Variants in SLC17A6 observed in about 807,000 individuals in gnomAD.
The protein encoded by SLC17A6 is solute carrier family 17 member 6, also known as vesicular glutamate transporter 2.
Under a neutral mutation model 67.1 loss-of-function variants are expected in SLC17A6, and 35 were observed. The ratio of observed to expected loss-of-function variants is 0.52; its 90% CI spans 0.40 to 0.69. The LOEUF (loss-of-function observed/expected upper bound fraction) is 0.69. Ranked by LOEUF, SLC17A6 falls within the 30% of genes least tolerant of loss-of-function variation. The pLI is 0.00. For missense variants in SLC17A6, 588 were observed against 723.9 expected (o/e 0.81, Z 2.15); for synonymous variants, 285 against 252.3 (o/e 1.13, Z -1.23).
intron 10 of SLC17A6, among the ~76,000 whole-genome samples, 162 bp from the exon 11 acceptor site, chr11:22,376,383 T>C (rs1258635428): frequency 6.6e-6 from 1 of 152,180 alleles, no homozygotes; most frequent in Non-Finnish European, 1.5e-5. Context: ...AATTCATACC[T>C]CATTCTATTC....
chr11:22,349,302 T>C (rs1855911208), intron 3 of SLC17A6, among the ~76,000 whole-genome samples: 1 of 152,204 alleles, frequency 6.6e-6, no homozygotes, highest in Non-Finnish European at 1.5e-5. Context: ...CAGAGGTGAC[T>C]TTTTCTATCT....
chr11:22,341,769 G>A lies in SLC17A6; in HGVS notation c.328G>A (p.Val110Ile). 2 of 1,614,020 alleles carry A rather than the reference G, an allele frequency of 1.2e-6. No homozygotes were observed. Among genetic ancestry groups the A allele is most frequent in the Non-Finnish European group, 1.7e-6 (2 of 1,179,924 alleles). The change falls in exon 2 of 12, where the codon GTC (valine) becomes ATC (isoleucine). Residue 110 changes from valine to isoleucine, a missense_variant. Transcript: ENST00000263160. ...CAGCACCATCCACCGCGGGGGCAAG[G>A]TCATCAAGGAGGTGGGCAACGTCTG... ...NNSTIHRGGK[V>I]IKEKAKFNWD...
chr11:22,355,988 CTCT>C (rs1446087065), intron 3 of SLC17A6, among the ~76,000 whole-genome samples: 1 of 152,156 alleles, frequency 6.6e-6, no homozygotes, highest in East Asian at 1.9e-4. Flanking sequence ...GAGGTCCATC[CTCT>C]TCTTTTTCTA....
intron 1 of SLC17A6, among the ~76,000 whole-genome samples, chr11:22,339,949 A>G (rs1316882736): frequency 3.3e-5 from 5 of 152,108 alleles, no homozygotes; most frequent in African/African-American, 4.8e-5. Flanking sequence ...TTCTCCCAGT[A>G]AAAATAAATT....
intron 6 of SLC17A6, among the ~76,000 whole-genome samples, chr11:22,364,698 G>T (rs552447271): frequency 6.6e-6 from 1 of 152,130 alleles, no homozygotes; most frequent in African/African-American, 2.4e-5. Context: ...GTTACCCAAG[G>T]GACAAACAGA....
chr11:22,355,195 G>A (rs909370580), intron 3 of SLC17A6, among the ~76,000 whole-genome samples: 2 of 152,184 alleles, frequency 1.3e-5, no homozygotes, highest in African/African-American at 4.8e-5. Flanking sequence ...AGTAATAAGT[G>A]TCAGATGAAC....
At chr11:22,345,286 T>C (rs569510491) in intron 3 of SLC17A6, among the ~76,000 whole-genome samples, 4 of 151,954 alleles carry the variant, frequency 2.6e-5, no homozygotes, top group African/African-American at 9.6e-5. Context: ...ACTCAGGTTC[T>C]AATTTATCTG....
intron 3 of SLC17A6, among the ~76,000 whole-genome samples, chr11:22,345,724 C>A (rs1337213723): frequency 6.6e-6 from 1 of 152,040 alleles, no homozygotes; most frequent in African/African-American, 2.4e-5. Flanking sequence ...GAAAATATAA[C>A]AAAACATTGC....
intron 2 of SLC17A6, among the ~76,000 whole-genome samples, 187 bp downstream of exon 2, chr11:22,341,967 G>C (rs1855821184): frequency 6.6e-6 from 1 of 152,220 alleles, no homozygotes. Context: ...TCGCTCTGCT[G>C]TCTGGGCCTC....
Position 22,359,444 on chromosome 11 carries a change from A to C in SLC17A6, c.490A>C (p.Thr164Pro). 6.3e-7 allele frequency: 1 copy of C among 1,599,862 alleles called. No individual in the cohort carries two copies. The highest frequency in any genetic ancestry group is 8.5e-7 in the Non-Finnish European group (1 of 1,172,736). ...CGGAGCTGCCATACTTCTTACCTCT[A>C]CCCTAAATATGCTAATTCCATCAGC... ...VFGAAILLTS[T>P]LNMLIPSAAR... The change falls in exon 4 of 12, where the codon ACC (threonine) becomes CCC (proline). Residue 164 changes from threonine (T) to proline (P), a missense_variant. Physicochemically the swap from Thr to Pro is conservative, Grantham distance 38 (BLOSUM62 -1). Around this residue, in one of 4 missense-constraint regions of SLC17A6, gnomAD observed 414 missense variants for 563.4 expected, o/e 0.73. Transcript: ENST00000263160.
chr11:22,338,683 C>G, intron 1 of SLC17A6, 64 bp downstream of exon 1: 1 of 1,184,474 alleles, frequency 8.4e-7, no homozygotes, highest in South Asian at 1.2e-5. Context: ...GGGCCGTTTC[C>G]GTAAACCCTG....
At chr11:22,343,170 C>T (rs1855838574) in intron 2 of SLC17A6, 77 bp from the exon 3 acceptor site, 1 of 1,237,322 alleles carries the variant, frequency 8.1e-7, no homozygotes, top group African/African-American at 1.5e-5. Context: ...GGCTTTTTGG[C>T]TTGTGAACCA....
At chr11:22,340,593 G>C (rs941866936) in intron 1 of SLC17A6, among the ~76,000 whole-genome samples, 4 of 152,162 alleles carry the variant, frequency 2.6e-5, no homozygotes, top group African/African-American at 9.7e-5. Flanking sequence ...GTATATCTGG[G>C]AGTCGCATTT....
At chr11:22,360,005 T>C (rs1211402531) in intron 4 of SLC17A6, among the ~76,000 whole-genome samples, 2 of 152,134 alleles carry the variant, frequency 1.3e-5, no homozygotes, top group African/African-American at 4.8e-5. Context: ...GCCTGCAGAC[T>C]TTGAAAGAAT....
intron 7 of SLC17A6, among the ~76,000 whole-genome samples, chr11:22,366,513 TA>T (rs1856114541): frequency 6.6e-6 from 1 of 152,218 alleles, no homozygotes; most frequent in Non-Finnish European, 1.5e-5. Flanking sequence ...TCAGGATTAT[TA>T]CTATGAATAT....
intron 9 of SLC17A6, among the ~76,000 whole-genome samples, chr11:22,375,572 C>A (rs1856224201): frequency 1.3e-5 from 2 of 151,638 alleles, no homozygotes; most frequent in South Asian, 4.2e-4. Context: ...CCCCCGCCTC[C>A]CGGGTTCAAG....
intron 5 of SLC17A6, chr11:22,361,354 T>TA: frequency 6.4e-6 from 1 of 156,878 alleles, no homozygotes; most frequent in Non-Finnish European, 1.4e-5. Context: ...TTTACAGAGA[T>TA]AAAAACATAA....
At chr11:22,342,054 G>A (rs1435614623) in intron 2 of SLC17A6, among the ~76,000 whole-genome samples, 1 of 152,230 alleles carries the variant, frequency 6.6e-6, no homozygotes, top group African/African-American at 2.4e-5. Flanking sequence ...ACAAGACGTT[G>A]GTGACTAGCA....
At position 22,343,260 on chromosome 11, in the gene SLC17A6, A is replaced by T. The variant is rs201861338; in HGVS notation, c.353A>T (p.Asn118Ile). The T allele has an allele frequency of 1.9e-6, 3 of 1,613,700 alleles. No individual in the cohort carries two copies. The highest frequency in any genetic ancestry group is 1.7e-5 in the Admixed American group (1 of 59,946). ...ACCCCTCCATAGAAAGCCAAATTCAACTGGGACCCGGAAACCGTGGGGATG... is the reference window on the plus strand; with the variant it reads ...ACCCCTCCATAGAAAGCCAAATTCATCTGGGACCCGGAAACCGTGGGGATG... ...GKVIKEKAKF[N>I]WDPETVGMIH... The change falls in exon 3 of 12, where the codon AAC (asparagine) becomes ATC (isoleucine). Residue 118 changes from asparagine (N) to isoleucine (I), a missense_variant. By Grantham distance (149) the Asn-to-Ile change is moderately radical. Coordinates refer to ENST00000263160, the MANE Select transcript of SLC17A6 (RefSeq NM_020346.3).
Sources: allele counts gnomAD v4.1 joint callset (sites outside exome capture counted in the v4.1 genomes callset), GRCh38; gene constraint gnomAD v4.1.1; regional missense constraint gnomAD v4.1.1; transcripts MANE v1.5; gene names NCBI Gene and HGNC (gene_info 2026-07-23, HGNC 2026-07-21).